Variants in CSMD1 observed in about 807,000 individuals in gnomAD.
The protein encoded by CSMD1 is CUB and Sushi multiple domains 1, also known as CUB and sushi domain-containing protein 1.
CSMD1 carries 213 observed loss-of-function variants against 417.5 expected under a neutral mutation model. The observed-to-expected ratio is 0.51, with a 90% CI of 0.46 to 0.57. The LOEUF (loss-of-function observed/expected upper bound fraction) is 0.57, where lower values mean the gene tolerates loss of function less well. Ranked by LOEUF, CSMD1 falls within the 20% of genes least tolerant of loss-of-function variation. The pLI is 0.00. For synonymous variants in CSMD1, 2,862 were observed against 1,736.8 expected (o/e 1.65, Z -16.11); for missense variants, 6,923 against 4,529.7 (o/e 1.53, Z -15.17).
At chr8:4,392,135 G>C (rs924160657) in intron 3 of CSMD1, among the ~76,000 whole-genome samples, 1 of 152,180 alleles carries the variant, frequency 6.6e-6, no homozygotes, top group African/African-American at 2.4e-5. Flanking sequence ...GTCAAGTCCA[G>C]ATTGCTGACC....
At chr8:4,359,184 C>T (rs1249709585) in intron 3 of CSMD1, among the ~76,000 whole-genome samples, 11 of 152,130 alleles carry the variant, frequency 7.2e-5, no homozygotes, top group Non-Finnish European at 2.9e-5. Context: ...TCAGCAATTT[C>T]ACAAAAGTCC....
intron 26 of CSMD1, among the ~76,000 whole-genome samples, chr8:3,240,771 T>TTG (rs1799445737): frequency 6.6e-6 from 1 of 152,080 alleles, no homozygotes; most frequent in Non-Finnish European, 1.5e-5. Flanking sequence ...TTGGCACCAC[T>TTG]GGGTGGATAG....
intron 1 of CSMD1, among the ~76,000 whole-genome samples, chr8:4,865,766 CA>C (rs1345078755): frequency 1.3e-5 from 2 of 151,934 alleles, no homozygotes; most frequent in East Asian, 3.9e-4. Flanking sequence ...ACCCTAGCCC[CA>C]AACAAAACCT....
intron 5 of CSMD1, among the ~76,000 whole-genome samples, chr8:3,821,129 G>A (rs60346878): frequency 1.3e-5 from 2 of 151,956 alleles, no homozygotes; most frequent in Non-Finnish European, 2.9e-5. Flanking sequence ...TGTAAGCCAG[G>A]CTGGTCTCGA....
At chr8:4,252,641 A>G (rs1320325208) in intron 3 of CSMD1, among the ~76,000 whole-genome samples, 1 of 152,216 alleles carries the variant, frequency 6.6e-6, no homozygotes, top group Non-Finnish European at 1.5e-5. Flanking sequence ...CAGAAGTAAC[A>G]CCCAGTTTAA....
intron 3 of CSMD1, among the ~76,000 whole-genome samples, chr8:4,046,750 C>T (rs573818420): frequency 4.6e-5 from 7 of 152,202 alleles, no homozygotes; most frequent in African/African-American, 1.4e-4. Context: ...CTGTTTCCCC[C>T]ATAACACACA....
At chr8:3,463,092 G>A (rs550602130) in intron 12 of CSMD1, among the ~76,000 whole-genome samples, 1 of 152,178 alleles carries the variant, frequency 6.6e-6, no homozygotes, top group South Asian at 2.1e-4. Flanking sequence ...TCCCAGAACT[G>A]TGAGAGATAC....
At position 4,983,210 on chromosome 8, in the gene CSMD1, T is replaced by C. The variant is rs368541021; in HGVS notation, c.85+11122A>G. 1.6e-4 allele frequency among the ~76,000 whole-genome samples: 25 copies of C among 152,324 alleles called. No homozygotes were observed. In the East Asian group the frequency reaches 4.4e-3, roughly 27 times the overall value. On this transcript the variant is annotated intron_variant, in intron 1 of 69. Transcript: ENST00000635120. The stretch of plus-strand genomic sequence containing the variant: ...TTATGTTGACAAGTTCTAGTCTCAG[T>C]ACATGAGTCAATAAGCAGGCACAGT...
chr8:3,988,742 G>C (rs924580621), intron 5 of CSMD1, among the ~76,000 whole-genome samples: 2 of 152,096 alleles, frequency 1.3e-5, no homozygotes, highest in African/African-American at 4.8e-5. Flanking sequence ...CAAAGTTGAC[G>C]GACATATACA....
chr8:3,385,124 TATAA>T (rs55924346), intron 18 of CSMD1, among the ~76,000 whole-genome samples: 59,052 of 126,304 alleles, frequency 0.47, 14,108 homozygotes, highest in Non-Finnish European at 0.49. Flanking sequence ...ATATATAATA[TATAA>T]ATATATAATA....
intron 1 of CSMD1, among the ~76,000 whole-genome samples, chr8:4,888,933 G>T (rs1432390028): frequency 2.0e-5 from 3 of 152,094 alleles, no homozygotes; most frequent in African/African-American, 7.3e-5. Flanking sequence ...TAATGAATGA[G>T]GAGAAGGGAA....
At chr8:3,985,626 C>T (rs1285102106) in intron 5 of CSMD1, among the ~76,000 whole-genome samples, 9 of 152,216 alleles carry the variant, frequency 5.9e-5, no homozygotes, top group East Asian at 5.8e-4. Flanking sequence ...GATCCTTGCA[C>T]GGCAGAACCG....
chr8:3,609,481 T>C (rs184506071), intron 8 of CSMD1, among the ~76,000 whole-genome samples: 1 of 152,326 alleles, frequency 6.6e-6, no homozygotes, highest in African/African-American at 2.4e-5. Context: ...TTTCTTCGGG[T>C]ATTTTATACA....
At chr8:3,194,797 A>G (rs1314292667) in intron 33 of CSMD1, among the ~76,000 whole-genome samples, 2 of 151,900 alleles carry the variant, frequency 1.3e-5, no homozygotes, top group Non-Finnish European at 2.9e-5. Context: ...ATGAATGCTA[A>G]AGAGACTGAG....
intron 5 of CSMD1, among the ~76,000 whole-genome samples, chr8:3,878,072 C>T (rs1053450192): frequency 1.3e-5 from 2 of 152,036 alleles, no homozygotes; most frequent in South Asian, 4.1e-4. Flanking sequence ...GGTGGTCATG[C>T]ATTGAACATT....
chr8:2,954,359 C>T, intron 64 of CSMD1, 91 bp from the exon 65 acceptor site: 1 of 754,084 alleles, frequency 1.3e-6, no homozygotes. Context: ...ATTTTCCTTT[C>T]TCCAGATTTT....
In CSMD1 at chr8:3,968,449, T is replaced by A. The variant is rs543783721; in HGVS notation, c.818+29454A>T. Among the ~76,000 whole-genome samples the A allele has an allele frequency of 1.1e-4, 16 of 152,276 alleles. No homozygotes were observed. The East Asian group carries it at 3.1e-3, about 29-fold the overall frequency. On this transcript the variant is annotated intron_variant, in intron 5 of 69. Transcript: ENST00000635120. ...GACACACACTCAGCAACCCACACAATGCTTTTCTCTTTAAGAATCTTTTTA... is the reference window on the plus strand; with the variant it reads ...GACACACACTCAGCAACCCACACAAAGCTTTTCTCTTTAAGAATCTTTTTA...
At chr8:4,741,993 A>G (rs1254434443) in intron 1 of CSMD1, among the ~76,000 whole-genome samples, 2 of 88,586 alleles carry the variant, frequency 2.3e-5, no homozygotes, top group Admixed American at 1.7e-4. Context: ...ACGCACCACC[A>G]CACCCACTTT....
intron 1 of CSMD1, among the ~76,000 whole-genome samples, chr8:4,832,189 G>T (rs371387091): frequency 2.6e-5 from 4 of 152,324 alleles, no homozygotes; most frequent in East Asian, 3.9e-4. Flanking sequence ...TGCATGGAAC[G>T]CCCTGAGTGT....
Sources: gnomAD v4.1 joint callset for allele counts (sites outside exome capture counted in the v4.1 genomes callset) on GRCh38, gnomAD v4.1.1 for gene constraint, MANE v1.5 for transcripts, NCBI Gene and HGNC (gene_info 2026-07-23, HGNC 2026-07-21) for gene names.